Variants in VWF observed in about 807,000 individuals in gnomAD.
The protein encoded by VWF is von Willebrand factor.
In VWF, 176 loss-of-function variants were observed where a neutral mutation model predicts 308.6. That is an observed-to-expected ratio of 0.57 (90% CI 0.50 to 0.65). The LOEUF is 0.65. Among genes scored for constraint, VWF ranks in the 30% least tolerant of loss-of-function variants. VWF has a pLI of 0.00. For missense variants in VWF, 3,146 were observed against 3,648.2 expected (o/e 0.86, Z 3.55); for synonymous variants, 1,385 against 1,443.4 (o/e 0.96, Z 0.92).
rs1352808432 is a variant in VWF at position 6,031,629 on chromosome 12, C to T, written c.2686-51G>A. 5.6e-6 allele frequency: 9 copies of T among 1,613,090 alleles called. No individual in the cohort carries two copies. The Admixed American group carries it at 1.5e-4, about 27-fold the overall frequency. Reference sequence around the variant, plus strand: ...AGACCATTATCCCCACTGGCTCTCACCAGACCAGAAGATTGGCATCTCTTC... The same window carrying T: ...AGACCATTATCCCCACTGGCTCTCATCAGACCAGAAGATTGGCATCTCTTC... On this transcript the variant is annotated intron_variant, in intron 20 of 51. Coordinates refer to ENST00000261405, the MANE Select transcript of VWF (RefSeq NM_000552.5).
At position 6,075,481 on chromosome 12, in the gene VWF, G is replaced by A. The variant is rs370654988; in HGVS notation, c.728C>T (p.Pro243Leu). 3 of 1,614,194 alleles carry A rather than the reference G, an allele frequency of 1.9e-6. No homozygotes were observed. The highest frequency in any genetic ancestry group is 1.7e-5 in the Admixed American group (1 of 60,018). Residue 243 changes from proline to leucine, a missense_variant, in exon 7 of 52, where the codon CCC (proline) becomes CTC (leucine). This residue lies in a region of VWF where 1,304 missense variants were observed against 1,353.0 expected (regional missense o/e 0.96). Coordinates refer to ENST00000261405, the MANE Select transcript of VWF (RefSeq NM_000552.5). The surrounding 1 kb of genome is among the most constrained non-coding windows in gnomAD (Gnocchi z 4.7). Reference protein sequence around the residue: ...VFARCHPLVDPEPFVALCEKT... With the variant: ...VFARCHPLVDLEPFVALCEKT... ...CTCACACAGGGCCACAAAAGGCTCG[G>A]GGTCCACCAGAGGGTGGCAGCGGGC... is the stretch of plus-strand genomic sequence containing the variant.
chr12:6,122,912 A>G (rs1221250487), intron 2 of VWF: 3 of 749,168 alleles, frequency 4.0e-6, no homozygotes, highest in Admixed American at 1.7e-5. Flanking sequence ...GTTCTGTGCC[A>G]CCTTTATGCT....
chr12:5,972,323 T>C (rs763072529), intron 43 of VWF, among the ~76,000 whole-genome samples: 3 of 152,238 alleles, frequency 2.0e-5, no homozygotes, highest in Non-Finnish European at 2.9e-5. Context: ...CAGCCCATCT[T>C]GCCTCTAGAA....
chr12:6,018,545 C>G lies in VWF; in HGVS notation c.4873G>C (p.Val1625Leu), dbSNP rs1220968200. 1 of 1,614,048 alleles carries G rather than the reference C, an allele frequency of 6.2e-7. No homozygotes were observed. Among genetic ancestry groups the G allele is most frequent in the Admixed American group, 1.7e-5 (1 of 60,032 alleles). ...TTAGGGCCCACTCCAATGGGCACCACCTGGATGTCTCCAGGCAGCCTCTTG... is the reference window on the plus strand; with the variant it reads ...TTAGGGCCCACTCCAATGGGCACCAGCTGGATGTCTCCAGGCAGCCTCTTG... ...EIKRLPGDIQ[V>L]VPIGVGPNAN... is the part of the protein sequence containing the mutation. The change falls in exon 28 of 52, where the codon GTG becomes CTG. Residue 1625 changes from valine (V) to leucine (L), a missense_variant. Physicochemically the swap from Val to Leu is conservative, Grantham distance 32. Transcript: ENST00000261405.
chr12:6,016,307 A>C lies in VWF; in HGVS notation c.5312-75T>G. The C allele has an allele frequency of 2.5e-6, 4 of 1,605,654 alleles. No individual in the cohort carries two copies. In the South Asian group the frequency reaches 4.4e-5, roughly 18 times the overall value. On this transcript the variant is annotated intron_variant, in intron 30 of 51. Coordinates refer to ENST00000261405, the MANE Select transcript of VWF (RefSeq NM_000552.5). ...CACCCTGTCTTAACGGTGGATCCTTAAGTCACTTAAAAGCTGAATGATTCA... is the reference window on the plus strand; with the variant it reads ...CACCCTGTCTTAACGGTGGATCCTTCAGTCACTTAAAAGCTGAATGATTCA...
chr12:5,990,827 T>C (rs1206008869), intron 38 of VWF, among the ~76,000 whole-genome samples: 1 of 123,238 alleles, frequency 8.1e-6, no homozygotes, highest in Non-Finnish European at 1.6e-5. Context: ...AGGAGTCTGG[T>C]AAATATGCTT....
chr12:5,954,551 A>G (rs1341084553), intron 47 of VWF, among the ~76,000 whole-genome samples: 1 of 152,246 alleles, frequency 6.6e-6, no homozygotes. Flanking sequence ...CTGTAGTTGT[A>G]TCTGCCTGAG....
rs780941826 is a variant in VWF at position 6,019,183 on chromosome 12, A to G, written c.4235T>C (p.Ile1412Thr). 1 of 1,613,810 alleles carries G rather than the reference A, an allele frequency of 6.2e-7. No homozygotes were observed. The highest frequency in any genetic ancestry group is 8.5e-7 in the Non-Finnish European group (1 of 1,179,862). Reference sequence around the variant, plus strand: ...GGCATGGGGCCCAATGCCCACCGGGATCACAATGACCTTCTTCTTCTTCAG... The same window carrying G: ...GGCATGGGGCCCAATGCCCACCGGGGTCACAATGACCTTCTTCTTCTTCAG... ...QGLKKKKVIV[I>T]PVGIGPHANL... Residue 1412 changes from isoleucine (I) to threonine (T), a missense_variant, in exon 28 of 52, where the codon ATC becomes ACC. This residue lies in a region of VWF where 853 missense variants were observed against 1,177.8 expected (regional missense o/e 0.72). Transcript: ENST00000261405. The surrounding 1 kb of genome is among the most constrained non-coding windows in gnomAD (Gnocchi z 5.8).
intron 47 of VWF, among the ~76,000 whole-genome samples, chr12:5,956,095 A>G (rs1943246910): frequency 6.6e-6 from 1 of 152,126 alleles, no homozygotes; most frequent in Non-Finnish European, 1.5e-5. Flanking sequence ...GAACAGAAAA[A>G]TTCCTATCAC....
At chr12:6,000,811 CAAAA>C (rs71064181) in intron 34 of VWF, among the ~76,000 whole-genome samples, 1 of 69,804 alleles carries the variant, frequency 1.4e-5, no homozygotes, top group Non-Finnish European at 2.6e-5. Context: ...GACTCTGTCT[CAAAA>C]AAAAAAAAAA....
At chr12:6,089,825 C>G (rs1945011177) in intron 6 of VWF, among the ~76,000 whole-genome samples, 1 of 152,138 alleles carries the variant, frequency 6.6e-6, no homozygotes, top group African/African-American at 2.4e-5. Flanking sequence ...CCCACCTCAC[C>G]CACTGAAGCA....
chr12:6,104,516 C>T (rs1321064854), intron 5 of VWF, among the ~76,000 whole-genome samples: 3 of 151,494 alleles, frequency 2.0e-5, no homozygotes, highest in Non-Finnish European at 2.9e-5. Context: ...TGAAACCCCG[C>T]CTCTACTAAA....
chr12:5,989,361 T>A (rs1358040107), intron 38 of VWF, among the ~76,000 whole-genome samples: 1 of 150,342 alleles, frequency 6.7e-6, no homozygotes, highest in Admixed American at 6.6e-5. Flanking sequence ...TTTTTCAGTT[T>A]AAAAAAAAAA....
At chr12:5,983,798 T>C (rs1816140365) in intron 40 of VWF, among the ~76,000 whole-genome samples, 1 of 150,652 alleles carries the variant, frequency 6.6e-6, no homozygotes, top group African/African-American at 2.4e-5. Flanking sequence ...ACAATAGAGA[T>C]AGATAGATAG....
intron 47 of VWF, among the ~76,000 whole-genome samples, chr12:5,962,965 T>C (rs1024361836): frequency 3.3e-5 from 5 of 152,326 alleles, no homozygotes; most frequent in Non-Finnish European, 7.4e-5. Flanking sequence ...TTATACCACA[T>C]TTAAAATTTA....
intron 6 of VWF, among the ~76,000 whole-genome samples, chr12:6,078,473 T>A (rs937285378): frequency 6.6e-6 from 1 of 152,210 alleles, no homozygotes; most frequent in African/African-American, 2.4e-5. Context: ...GAGAATTACG[T>A]CACTGAACTC....
At chr12:6,087,655 C>A (rs116243535) in intron 6 of VWF, among the ~76,000 whole-genome samples, 2 of 151,994 alleles carry the variant, frequency 1.3e-5, no homozygotes, top group South Asian at 4.2e-4. Context: ...TGAGCCCCCG[C>A]GCCTGGCCAA....
intron 10 of VWF, among the ~76,000 whole-genome samples, chr12:6,069,723 A>G (rs1448119977): frequency 6.6e-6 from 1 of 152,178 alleles, no homozygotes; most frequent in Non-Finnish European, 1.5e-5. Flanking sequence ...CAAAATATCA[A>G]ACCACTTAGT....
Position 5,967,555 on chromosome 12 carries a change from C to A in VWF, c.7818G>T (p.Met2606Ile). Reference sequence around the variant, plus strand: ...ATCCAGAGATGACCCCCACCTGCACCATGCAGCGGCAGGTCGTGCACACAT... The same window carrying A: ...ATCCAGAGATGACCCCCACCTGCACAATGCAGCGGCAGGTCGTGCACACAT... Reference protein sequence around the residue: ...MIDVCTTCRCMVQVGVISGFK... With the variant: ...MIDVCTTCRCIVQVGVISGFK... The change falls in exon 47 of 52, where the codon ATG (methionine) becomes ATT (isoleucine). Residue 2606 changes from methionine (M) to isoleucine (I), a missense_variant. This residue lies in a region of VWF where 989 missense variants were observed against 1,117.4 expected (regional missense o/e 0.89). Coordinates refer to ENST00000261405, the MANE Select transcript of VWF (RefSeq NM_000552.5). 2 of 1,614,144 alleles carry A rather than the reference C, an allele frequency of 1.2e-6. No homozygotes were observed. Among genetic ancestry groups the A allele is most frequent in the Non-Finnish European group, 8.5e-7 (1 of 1,180,026 alleles).
Sources: allele counts gnomAD v4.1 joint callset (sites outside exome capture counted in the v4.1 genomes callset), GRCh38; gene constraint gnomAD v4.1.1; regional missense constraint gnomAD v4.1.1; non-coding constraint Gnocchi (gnomAD v3.1); transcripts MANE v1.5; gene names NCBI Gene and HGNC (gene_info 2026-07-23, HGNC 2026-07-21).